Variants in BCAS3 observed in about 807,000 individuals in gnomAD.
BCAS3 encodes BCAS3 microtubule associated cell migration factor, also known as BCAS4/BCAS3 fusion.
A neutral mutation model predicts 116.1 loss-of-function variants in BCAS3; 53 were observed. The ratio of observed to expected loss-of-function variants is 0.46; its 90% CI spans 0.37 to 0.57. The LOEUF is 0.57. Ranked by LOEUF, BCAS3 falls within the 20% of genes least tolerant of loss-of-function variation. BCAS3 has a pLI of 0.00. For synonymous variants in BCAS3, 391 were observed against 408.2 expected, an observed-to-expected ratio of 0.96 and a Z score of 0.51; for missense variants, 917 against 1,165.4, an observed-to-expected ratio of 0.79 and a Z score of 3.10.
At chr17:61,110,960 C>G (rs2075047439) in intron 22 of BCAS3, among the ~76,000 whole-genome samples, 1 of 152,130 alleles carries the variant, frequency 6.6e-6, no homozygotes, top group Admixed American at 6.5e-5. Context: ...TGGGAGGCAC[C>G]CCCCAGCAGG....
At chr17:60,801,137 A>G (rs1242708158) in intron 6 of BCAS3, among the ~76,000 whole-genome samples, 8 of 152,138 alleles carry the variant, frequency 5.3e-5, no homozygotes. Context: ...TAAACTTTAT[A>G]TCAGTTATGT....
intron 13 of BCAS3, among the ~76,000 whole-genome samples, chr17:60,930,347 A>G (rs1439379793): frequency 1.3e-5 from 2 of 152,234 alleles, no homozygotes; most frequent in African/African-American, 4.8e-5. Flanking sequence ...AAACATGCCA[A>G]AAAGTTGATT....
chr17:61,378,055 C>A lies in BCAS3; in HGVS notation c.2593+9561C>A, dbSNP rs577661956. On this transcript the variant is annotated intron_variant, in intron 23 of 23. Transcript: ENST00000407086. The surrounding 1 kb of genome is among the most constrained non-coding windows in gnomAD (Gnocchi z 5.8). ...CTGCCTTGACTGCCGTTGCACTTCCCTGCTCAGAAAGTGTCCAGGCCTGCA... is the reference window on the plus strand; with the variant it reads ...CTGCCTTGACTGCCGTTGCACTTCCATGCTCAGAAAGTGTCCAGGCCTGCA... 6.6e-6 allele frequency: 1 copy of A among 152,354 alleles called. No homozygotes were observed. The highest frequency in any genetic ancestry group is 1.9e-4 in the East Asian group (1 of 5,188). The allele number at this position is 152,354 out of a possible 1,614,324, so 9.4% of individuals were successfully genotyped here.
chr17:60,989,110 C>T (rs1395439052), intron 14 of BCAS3, among the ~76,000 whole-genome samples: 1 of 151,798 alleles, frequency 6.6e-6, no homozygotes, highest in Non-Finnish European at 1.5e-5. Context: ...TTCTACTGTG[C>T]TTTTTCTCTT....
At chr17:60,744,242 G>A (rs2041844660) in intron 5 of BCAS3, among the ~76,000 whole-genome samples, 1 of 152,110 alleles carries the variant, frequency 6.6e-6, no homozygotes, top group Non-Finnish European at 1.5e-5. Flanking sequence ...TTACAGTTTA[G>A]TATACTTCTT....
intron 22 of BCAS3, among the ~76,000 whole-genome samples, chr17:61,350,136 T>G (rs528881399): frequency 6.6e-6 from 1 of 152,086 alleles, no homozygotes; most frequent in Non-Finnish European, 1.5e-5. Flanking sequence ...TTAAAAAATA[T>G]ATAAATTTTG....
At chr17:60,705,739 T>C (rs750046014) in intron 4 of BCAS3, among the ~76,000 whole-genome samples, 3 of 152,174 alleles carry the variant, frequency 2.0e-5, no homozygotes, top group Non-Finnish European at 4.4e-5. Flanking sequence ...AGACTGATGT[T>C]AGACAGTCTG....
In BCAS3 at chr17:60,814,300, T is replaced by TGCGCGCGCGC. The variant is rs1216288009; in HGVS notation, c.476+6225_476+6226insCGCGCGCGCG. Among the ~76,000 whole-genome samples the TGCGCGCGCGC allele has an allele frequency of 7.9e-3, 1,031 of 130,488 alleles. 16 individuals carry two copies. Among genetic ancestry groups the TGCGCGCGCGC allele is most frequent in the African/African-American group, 0.03 (766 of 25,386 alleles). The allele number at this position is 130,488 out of a possible 152,430, so 85.6% of individuals were successfully genotyped here. ...GTGTGTGTGTGTGTGTGTGTGTGTG[T>TGCGCGCGCGC]GTGTGTGCGCGCGTGCCCATTGCAA... On this transcript the variant is annotated intron_variant, in intron 7 of 23. Coordinates refer to ENST00000407086, the MANE Select transcript of BCAS3 (RefSeq NM_017679.5).
intron 7 of BCAS3, among the ~76,000 whole-genome samples, chr17:60,833,903 G>A (rs2051153443): frequency 6.6e-6 from 1 of 152,074 alleles, no homozygotes; most frequent in African/African-American, 2.4e-5. Context: ...ACTATGAAAA[G>A]TAATCTGTCA....
chr17:61,088,103 A>G lies in BCAS3; in HGVS notation c.2425+3539A>G, dbSNP rs1364588143. On this transcript the variant is annotated intron_variant, in intron 22 of 23. Coordinates refer to ENST00000407086, the MANE Select transcript of BCAS3 (RefSeq NM_017679.5). This position sits in a 1 kb window ranked among gnomAD's most constrained non-coding sequence, Gnocchi z 4.2. Reference sequence around the variant, plus strand: ...AGGCTGAGGCACAAGAATTGCTTGAACCCGGGAGGCAGAGGTTGCAGTGAG... The same window carrying G: ...AGGCTGAGGCACAAGAATTGCTTGAGCCCGGGAGGCAGAGGTTGCAGTGAG... Among the ~76,000 whole-genome samples the G allele has an allele frequency of 6.6e-6, 1 of 152,034 alleles. No homozygotes were observed. The highest frequency in any genetic ancestry group is 1.5e-5 in the Non-Finnish European group (1 of 68,010).
Position 61,213,466 on chromosome 17 carries a change from C to T in BCAS3, c.2425+128902C>T, listed in dbSNP as rs769498923. 2.6e-5 allele frequency among the ~76,000 whole-genome samples: 4 copies of T among 151,988 alleles called. No individual in the cohort carries two copies. Among genetic ancestry groups the T allele is most frequent in the African/African-American group, 7.3e-5 (3 of 41,358 alleles). On this transcript the variant is annotated intron_variant, in intron 22 of 23. Transcript: ENST00000407086. This position sits in a 1 kb window ranked among gnomAD's most constrained non-coding sequence, Gnocchi z 5.4. Reference sequence around the variant, plus strand: ...TACAGGTGTGAGCCACCGCGCCTGGCCTATTCATATATTTTTATATGAAAA... The same window carrying T: ...TACAGGTGTGAGCCACCGCGCCTGGTCTATTCATATATTTTTATATGAAAA...
At chr17:61,036,812 A>G (rs1053968073) in intron 17 of BCAS3, among the ~76,000 whole-genome samples, 3 of 152,210 alleles carry the variant, frequency 2.0e-5, no homozygotes, top group Admixed American at 2.0e-4. Flanking sequence ...AGTATGGCTG[A>G]TCTTCATTTA....
chr17:61,367,499 A>G lies in BCAS3; in HGVS notation c.2426-828A>G. On this transcript the variant is annotated intron_variant, in intron 22 of 23. Transcript: ENST00000407086. This position sits in a 1 kb window ranked among gnomAD's most constrained non-coding sequence, Gnocchi z 6.2. ...GGGAGCAGCTTTGGCTTAAGGACAG[A>G]CCCTTGCCGAAGATGCTATCACCCA... 1 of 152,166 alleles carries G rather than the reference A, an allele frequency of 6.6e-6. No individual in the cohort carries two copies. Among genetic ancestry groups the G allele is most frequent in the East Asian group, 1.9e-4 (1 of 5,182 alleles). 9.4% of individuals were successfully genotyped at this position (152,166 alleles called of 1,614,324 possible). A position where few individuals can be genotyped will look rare whatever the true frequency, so the allele number is the denominator to read the frequency against.
chr17:61,155,639 C>T (rs758204603), intron 22 of BCAS3, among the ~76,000 whole-genome samples: 1 of 152,066 alleles, frequency 6.6e-6, no homozygotes, highest in Non-Finnish European at 1.5e-5. Context: ...GGTAAACTGG[C>T]GACAGTCATA....
intron 7 of BCAS3, chr17:60,851,725 AAAG>A: frequency 1.1e-6 from 1 of 876,884 alleles, no homozygotes; most frequent in Non-Finnish European, 2.0e-6. Context: ...AGCAGGAGAG[AAAG>A]AAGCCAAGTC....
At position 60,887,042 on chromosome 17, in the gene BCAS3, G is replaced by A. The variant is rs1245538096; in HGVS notation, c.662-2653G>A. The stretch of plus-strand genomic sequence containing the variant: ...GGCAATGGCGGGCGCCCCTCCCCCA[G>A]CCTCGCTGCCGCCTTGCAGTTTGAT... On this transcript the variant is annotated intron_variant, in intron 9 of 23. Coordinates refer to ENST00000407086, the MANE Select transcript of BCAS3 (RefSeq NM_017679.5). 209 of 156,082 alleles carry A rather than the reference G, an allele frequency of 1.3e-3. 1 individual carries two copies. The Middle Eastern group carries it at 0.024, about 18-fold the overall frequency. 9.7% of individuals were successfully genotyped at this position (156,082 alleles called of 1,614,324 possible). A position where few individuals can be genotyped will look rare whatever the true frequency, so the allele number is the denominator to read the frequency against.
chr17:60,785,872 T>C (rs2046241556), intron 6 of BCAS3, among the ~76,000 whole-genome samples: 1 of 152,222 alleles, frequency 6.6e-6, no homozygotes, highest in South Asian at 2.1e-4. Context: ...GAACTAAGCA[T>C]GTACAGACTT....
chr17:61,386,966 G>T (rs2059890666), intron 23 of BCAS3, among the ~76,000 whole-genome samples: 1 of 152,056 alleles, frequency 6.6e-6, no homozygotes, highest in South Asian at 2.1e-4. Context: ...TTTGGACACG[G>T]TTTTGCTGTA....
chr17:60,939,835 A>T (rs1567918998), intron 13 of BCAS3, among the ~76,000 whole-genome samples: 1 of 152,224 alleles, frequency 6.6e-6, no homozygotes, highest in African/African-American at 2.4e-5. Context: ...TAAAGTTTTA[A>T]AAAACATTCT....
Sources: gnomAD v4.1 joint callset for allele counts (sites outside exome capture counted in the v4.1 genomes callset) on GRCh38, gnomAD v4.1.1 for gene constraint, Gnocchi (gnomAD v3.1) non-coding constraint, MANE v1.5 for transcripts, NCBI Gene and HGNC (gene_info 2026-07-23, HGNC 2026-07-21) for gene names.